The following MRC1 variants were observed in gnomAD, a reference collection of about 807,000 sequenced individuals.
The protein encoded by MRC1 is macrophage mannose receptor 1.
Under a neutral mutation model 102.9 loss-of-function variants are expected in MRC1, and 62 were observed. The observed-to-expected ratio is 0.60, with a 90% CI of 0.49 to 0.74. The LOEUF (loss-of-function observed/expected upper bound fraction) is 0.74, where lower values mean the gene tolerates loss of function less well. Among genes scored for constraint, MRC1 ranks in the 30% least tolerant of loss-of-function variants. MRC1 has a pLI of 0.00. For missense variants in MRC1, 1,237 were observed against 862.8 expected (o/e 1.43, Z -5.43); for synonymous variants, 457 against 298.4 (o/e 1.53, Z -5.48).
At chr10:17,826,435 C>G (rs905327335) in intron 2 of MRC1, among the ~76,000 whole-genome samples, 15 of 152,262 alleles carry the variant, frequency 9.9e-5, no homozygotes, top group Admixed American at 6.5e-5. Flanking sequence ...TTCCTGACCT[C>G]TAGTGATCCG....
intron 7 of MRC1, among the ~76,000 whole-genome samples, chr10:17,852,500 C>A (rs1254482315): frequency 6.6e-6 from 1 of 152,108 alleles, no homozygotes; most frequent in Non-Finnish European, 1.5e-5. Flanking sequence ...AAAATAGAAG[C>A]AGTTTAAAAT....
In MRC1 at chr10:17,885,314, C is replaced by A. The variant is rs1385448175; in HGVS notation, c.3026C>A (p.Thr1009Asn). 1.4e-5 allele frequency: 11 copies of A among 780,776 alleles called. No individual in the cohort carries two copies. The highest frequency in any genetic ancestry group is 8.0e-5 in the South Asian group (6 of 74,624). The allele number at this position is 780,776 out of a possible 1,614,324, so 48.4% of individuals were successfully genotyped here. ...AAGGACTCCACTTTCAGTGCCTGGA[C>A]TGGGCTGAATGATGTCAATTCAGAA... is the stretch of plus-strand genomic sequence containing the variant. ...HMKDSTFSAWTGLNDVNSEHT... is the reference protein window; with the variant it reads ...HMKDSTFSAWNGLNDVNSEHT... Residue 1009 changes from threonine to asparagine, a missense_variant, in exon 22 of 30, where the codon ACT becomes AAT. Transcript: ENST00000569591.
intron 18 of MRC1, among the ~76,000 whole-genome samples, chr10:17,878,830 G>A (rs1554842236): frequency 6.6e-6 from 1 of 152,032 alleles, no homozygotes; most frequent in African/African-American, 2.4e-5. Context: ...ACCCCACAGG[G>A]TCATTATTTT....
chr10:17,830,395 G>A (rs1838551984), intron 3 of MRC1, among the ~76,000 whole-genome samples: 1 of 151,398 alleles, frequency 6.6e-6, no homozygotes, highest in Non-Finnish European at 1.5e-5. Flanking sequence ...GCCTCCCAAA[G>A]TGTTGGGATT....
At chr10:17,866,797 G>A (rs1437403644) in intron 12 of MRC1, 36 bp downstream of exon 12, 2 of 780,614 alleles carry the variant, frequency 2.6e-6, no homozygotes, top group African/African-American at 3.4e-5. Flanking sequence ...AGAGAATCTG[G>A]AGTATGCTTC....
intron 1 of MRC1, among the ~76,000 whole-genome samples, chr10:17,813,310 T>C (rs1234030687): frequency 6.6e-6 from 1 of 152,232 alleles, no homozygotes; most frequent in Non-Finnish European, 1.5e-5. Flanking sequence ...ACTGTGGTTC[T>C]GACATAGACA....
At chr10:17,876,287 G>A (rs1013930032) in intron 17 of MRC1, among the ~76,000 whole-genome samples, 5 of 146,288 alleles carry the variant, frequency 3.4e-5, no homozygotes, top group South Asian at 2.2e-4. Flanking sequence ...TTGCTCTGTC[G>A]CCCAGGCTGG....
intron 9 of MRC1, among the ~76,000 whole-genome samples, chr10:17,858,835 G>C (rs1833137396): frequency 6.6e-6 from 1 of 152,214 alleles, no homozygotes; most frequent in African/African-American, 2.4e-5. Flanking sequence ...GTGATTCTTT[G>C]AGGTTTCACA....
At chr10:17,876,097 G>T (rs1164188752) in intron 17 of MRC1, among the ~76,000 whole-genome samples, 2 of 152,006 alleles carry the variant, frequency 1.3e-5, no homozygotes, top group Non-Finnish European at 1.5e-5. Flanking sequence ...GTCTACAATT[G>T]GTACCCCCTA....
At chr10:17,827,011 T>A (rs1404360847) in intron 2 of MRC1, among the ~76,000 whole-genome samples, 3 of 152,152 alleles carry the variant, frequency 2.0e-5, no homozygotes, top group Non-Finnish European at 1.5e-5. Flanking sequence ...AGGTTTTTTT[T>A]AATCTAGAGA....
At chr10:17,833,521 A>AG (rs1162960549) in intron 3 of MRC1, among the ~76,000 whole-genome samples, 154 bp from the exon 4 acceptor site, 1 of 32,906 alleles carries the variant, frequency 3.0e-5, no homozygotes, top group Non-Finnish European at 8.6e-5. Context: ...ACTCTGTCTC[A>AG]AAAAAAAAAA....
At chr10:17,827,761 A>G (rs1402532933) in intron 3 of MRC1, 46 bp downstream of exon 3, 11 of 778,746 alleles carry the variant, frequency 1.4e-5, no homozygotes, top group South Asian at 9.4e-5. Context: ...ATTTAGTCTG[A>G]TAATGTAGTG....
intron 4 of MRC1, among the ~76,000 whole-genome samples, chr10:17,835,261 A>C (rs1838645504): frequency 1.3e-5 from 2 of 152,220 alleles, no homozygotes; most frequent in Non-Finnish European, 2.9e-5. Flanking sequence ...TTATTAGTAT[A>C]ATAGCTACTT....
At position 17,910,345 on chromosome 10, in the gene MRC1, C is replaced by T; in HGVS notation, c.4251C>T (p.His1417=). The change falls in exon 30 of 30, where the codon CAC becomes CAT. Residue 1417 remains histidine (H), a synonymous_variant. Transcript: ENST00000569591. The part of the protein sequence containing the change: ...AYFFYKKRRV[H]LPQEGAFENT... ...TCTTTTATAAGAAAAGACGTGTGCA[C>T]CTACCTCAAGAGGGCGCCTTTGAAA... The T allele has an allele frequency of 1.3e-6, 1 of 780,768 alleles. No homozygotes were observed. Among genetic ancestry groups the T allele is most frequent in the Non-Finnish European group, 2.4e-6 (1 of 417,944 alleles). The allele number at this position is 780,768 out of a possible 1,614,324, so 48.4% of individuals were successfully genotyped here. A position where few individuals can be genotyped will look rare whatever the true frequency, so the allele number is the denominator to read the frequency against.
At chr10:17,873,656 A>C in intron 15 of MRC1, 128 bp from the exon 16 acceptor site, 1 of 741,758 alleles carries the variant, frequency 1.3e-6, no homozygotes, top group East Asian at 2.5e-5. Flanking sequence ...GGAGAAAGAA[A>C]GGGAAGGGAA....
chr10:17,814,854 G>GC, intron 1 of MRC1, among the ~76,000 whole-genome samples: 1 of 151,558 alleles, frequency 6.6e-6, no homozygotes, highest in Non-Finnish European at 1.5e-5. Context: ...TAGTAGAGAC[G>GC]GGATTTGGTC....
At chr10:17,860,761 T>A (rs908888621) in intron 9 of MRC1, among the ~76,000 whole-genome samples, 2 of 152,242 alleles carry the variant, frequency 1.3e-5, no homozygotes, top group African/African-American at 2.4e-5. Flanking sequence ...ATTCTAAAAC[T>A]GGTATCTTAG....
intron 4 of MRC1, among the ~76,000 whole-genome samples, chr10:17,838,864 T>A (rs1330583437): frequency 6.6e-6 from 1 of 152,208 alleles, no homozygotes; most frequent in African/African-American, 2.4e-5. Context: ...ACAACAAAAA[T>A]TTAGCATGTG....
chr10:17,823,498 C>T (rs1554838455), intron 2 of MRC1, 23 bp downstream of exon 2: 1 of 780,126 alleles, frequency 1.3e-6, no homozygotes, highest in South Asian at 1.3e-5. Context: ...GAATTTTCAC[C>T]TTCGTGTTGA....
Sources: gnomAD v4.1 joint callset for allele counts (sites outside exome capture counted in the v4.1 genomes callset) on GRCh38, gnomAD v4.1.1 for gene constraint, MANE v1.5 for transcripts, NCBI Gene and HGNC (gene_info 2026-07-23, HGNC 2026-07-21) for gene names.